ZFP64: variants seen among roughly 807,000 people sequenced by gnomAD.
ZFP64 encodes zinc finger protein 64.
ZFP64 carries 14 observed loss-of-function variants against 51.6 expected under a neutral mutation model. The observed-to-expected ratio is 0.27, with a 90% CI of 0.18 to 0.42. ZFP64 has a LOEUF of 0.42. ZFP64 is among the 10% of genes least tolerant of loss of function. The pLI is 1.00. For missense variants in ZFP64, 754 were observed against 906.8 expected, an observed-to-expected ratio of 0.83 and a Z score of 2.16; for synonymous variants, 375 against 361.4, an observed-to-expected ratio of 1.04 and a Z score of -0.43.
In ZFP64 at chr20:52,191,547, G is replaced by T; in HGVS notation, c.46+44C>A. On this transcript the variant is annotated intron_variant, in intron 1 of 5. Transcript: ENST00000216923. This position sits in a 1 kb window ranked among gnomAD's most constrained non-coding sequence, Gnocchi z 4.3. ...TGCTTGGGCCCGGGCCCCGGAGCGC[G>T]CACTGGGCCCCGGAGCGCGCACTGC... 1 of 1,519,892 alleles carries T rather than the reference G, an allele frequency of 6.6e-7. No homozygotes were observed. The highest frequency in any genetic ancestry group is 8.8e-7 in the Non-Finnish European group (1 of 1,137,662). 94.2% of individuals were successfully genotyped at this position (1,519,892 alleles called of 1,614,324 possible). A position where few individuals can be genotyped will look rare whatever the true frequency, so the allele number is the denominator to read the frequency against.
intron 5 of ZFP64, among the ~76,000 whole-genome samples, chr20:52,120,934 C>A (rs1187182250): frequency 1.3e-5 from 2 of 152,086 alleles, no homozygotes; most frequent in Admixed American, 6.6e-5. Context: ...GCCTTGGCCT[C>A]CTAAAGTGCT....
intron 5 of ZFP64, among the ~76,000 whole-genome samples, chr20:52,120,127 C>T (rs1459999019): frequency 6.6e-6 from 1 of 152,118 alleles, no homozygotes; most frequent in Non-Finnish European, 1.5e-5. Flanking sequence ...TGTGTGGACA[C>T]AGCTAGAAGG....
intron 7 of ZFP64, among the ~76,000 whole-genome samples, chr20:52,094,733 G>C (rs192638247): frequency 2.7e-5 from 4 of 146,814 alleles, no homozygotes; most frequent in African/African-American, 5.2e-5. Flanking sequence ...AGAAGACCCT[G>C]TCTCAAAATA....
chr20:52,164,664 A>T lies in ZFP64; in HGVS notation c.511+31T>A, dbSNP rs746868100. The T allele has an allele frequency of 1.3e-6, 2 of 1,596,076 alleles. 1 individual carries two copies. Among genetic ancestry groups the T allele is most frequent in the South Asian group, 2.2e-5 (2 of 90,674 alleles). ...ATCTCCTAGCACAGAGCAGGTGTTG[A>T]GGGCATATGCGCTAAAGAAATGCTA... On this transcript the variant is annotated intron_variant, in intron 4 of 5. Transcript: ENST00000216923.
intron 5 of ZFP64, among the ~76,000 whole-genome samples, chr20:52,125,299 A>T (rs1283933532): frequency 1.3e-5 from 2 of 152,208 alleles, no homozygotes; most frequent in Non-Finnish European, 2.9e-5. Flanking sequence ...AGGAGCTGAG[A>T]TCATTGATGG....
At chr20:52,155,281 T>C (rs186290220) in intron 5 of ZFP64, among the ~76,000 whole-genome samples, 137 of 152,346 alleles carry the variant, frequency 9.0e-4, no homozygotes, top group African/African-American at 3.2e-3. Flanking sequence ...TTACATGCAC[T>C]GTTATCAGAT....
intron 5 of ZFP64, chr20:52,110,542 T>C: frequency 1.4e-6 from 1 of 724,644 alleles, no homozygotes; most frequent in Admixed American, 2.0e-5. Flanking sequence ...CCAGTTCTTC[T>C]CAGTCTCCTT....
chr20:52,094,142 C>A (rs1260637577), intron 7 of ZFP64, among the ~76,000 whole-genome samples: 1 of 152,080 alleles, frequency 6.6e-6, no homozygotes, highest in Non-Finnish European at 1.5e-5. Flanking sequence ...GCTGGGGTGA[C>A]TGTGGGGGAT....
At chr20:52,135,345 T>G (rs1202533170) in intron 5 of ZFP64, among the ~76,000 whole-genome samples, 1 of 152,144 alleles carries the variant, frequency 6.6e-6, no homozygotes, top group African/African-American at 2.4e-5. Context: ...GGCTGAATAG[T>G]TGGAACAGAG....
chr20:52,191,768 G>A lies in ZFP64; in HGVS notation c.-132C>T, dbSNP rs1984396864. ...CCTTCTCCCAACTCTGCGAGGCGGG[G>A]AGGACGGATGTAAAGCAAGCTGCAC... On this transcript the variant is annotated 5_prime_UTR_variant, in exon 1 of 6. Transcript: ENST00000216923. The surrounding 1 kb of genome is among the most constrained non-coding windows in gnomAD (Gnocchi z 4.3). 6 of 1,157,230 alleles carry A rather than the reference G, an allele frequency of 5.2e-6. No individual in the cohort carries two copies. The Admixed American group carries it at 1.5e-4, about 28-fold the overall frequency. 71.7% of individuals were successfully genotyped at this position (1,157,230 alleles called of 1,614,324 possible). A position where few individuals can be genotyped will look rare whatever the true frequency, so the allele number is the denominator to read the frequency against.
At chr20:52,104,199 G>A (rs551654482) in intron 5 of ZFP64, among the ~76,000 whole-genome samples, 2 of 152,348 alleles carry the variant, frequency 1.3e-5, no homozygotes, top group African/African-American at 2.4e-5. Context: ...AAGCGCCTTA[G>A]AAATGCAGAT....
At position 52,186,290 on chromosome 20, in the gene ZFP64, T is replaced by C. The variant is rs147624331; in HGVS notation, c.286+542A>G. Among the ~76,000 whole-genome samples the C allele has an allele frequency of 5.3e-3, 803 of 152,298 alleles. 6 individuals are homozygous for C. Among genetic ancestry groups the C allele is most frequent in the African/African-American group, 0.018 (751 of 41,568 alleles). Reference sequence around the variant, plus strand: ...TTCCTCCAGAACTTTTATGGTTTTCTTATGCACATTTAAATTTTTGACCCA... The same window carrying C: ...TTCCTCCAGAACTTTTATGGTTTTCCTATGCACATTTAAATTTTTGACCCA... On this transcript the variant is annotated intron_variant, in intron 2 of 5. Coordinates refer to ENST00000216923, the MANE Select transcript of ZFP64 (RefSeq NM_018197.3).
intron 5 of ZFP64, among the ~76,000 whole-genome samples, chr20:52,158,813 C>T (rs959898341): frequency 3.9e-5 from 6 of 152,212 alleles, no homozygotes; most frequent in Admixed American, 2.0e-4. Context: ...AGCTCAGTCC[C>T]GCCCTTGACA....
intron 7 of ZFP64, among the ~76,000 whole-genome samples, chr20:52,092,028 G>A (rs1166327534): frequency 1.3e-5 from 2 of 152,088 alleles, no homozygotes; most frequent in Non-Finnish European, 2.9e-5. Flanking sequence ...GTCTATAATG[G>A]CTTTAAAGTA....
chr20:52,175,958 T>C (rs1983173317), intron 2 of ZFP64: 1 of 984,588 alleles, frequency 1.0e-6, no homozygotes, highest in Admixed American at 6.2e-5. Flanking sequence ...CCGTCCACAG[T>C]GGGCGTTAGA....
chr20:52,186,246 T>C (rs1983953051), intron 2 of ZFP64, among the ~76,000 whole-genome samples: 1 of 152,186 alleles, frequency 6.6e-6, no homozygotes, highest in Non-Finnish European at 1.5e-5. Flanking sequence ...ACTGTGTGTG[T>C]AGGTGTTTGT....
chr20:52,101,346 A>AT (rs1194431738), intron 5 of ZFP64, among the ~76,000 whole-genome samples: 1 of 150,580 alleles, frequency 6.6e-6, no homozygotes, highest in Non-Finnish European at 1.5e-5. Flanking sequence ...GGTAGTGTGG[A>AT]TCAAGTAAGG....
chr20:52,187,216 C>T (rs1418735707), intron 1 of ZFP64, 145 bp from the exon 2 acceptor site: 1 of 762,080 alleles, frequency 1.3e-6, no homozygotes, highest in Non-Finnish European at 2.0e-6. Context: ...CCTCTTCCTG[C>T]GAACTGCATC....
chr20:52,151,573 T>C lies in ZFP64; in HGVS notation c.*573A>G, dbSNP rs1022080884. 2.4e-5 allele frequency: 24 copies of C among 986,098 alleles called. No individual in the cohort carries two copies. The highest frequency in any genetic ancestry group is 2.6e-5 in the Non-Finnish European group (22 of 830,522). 61.1% of individuals were successfully genotyped at this position (986,098 alleles called of 1,614,324 possible). On this transcript the variant is annotated 3_prime_UTR_variant, in exon 6 of 6. Transcript: ENST00000216923. Reference sequence around the variant, plus strand: ...ACAAACACATGAATTCACTACTTAATGCATTTAATTCCAACCCCTCATTGG... The same window carrying C: ...ACAAACACATGAATTCACTACTTAACGCATTTAATTCCAACCCCTCATTGG...
Sources: allele counts gnomAD v4.1 joint callset (sites outside exome capture counted in the v4.1 genomes callset), GRCh38; gene constraint gnomAD v4.1.1; non-coding constraint Gnocchi (gnomAD v3.1); transcripts MANE v1.5; gene names NCBI Gene and HGNC (gene_info 2026-07-23, HGNC 2026-07-21).